Variants in SGCZ observed in about 807,000 individuals in gnomAD.
The protein encoded by SGCZ is zeta-sarcoglycan.
In SGCZ, 40 loss-of-function variants were observed where a neutral mutation model predicts 41.3. The observed-to-expected ratio is 0.97, with a 90% confidence interval of 0.75 to 1.26. The LOEUF is 1.26. Ranked by LOEUF, SGCZ falls within the 50% of genes most tolerant of loss-of-function variation. The pLI is 0.00. For synonymous variants in SGCZ, 206 were observed against 137.5 expected (o/e 1.50, Z -3.49); for missense variants, 552 against 369.8 (o/e 1.49, Z -4.04).
intron 1 of SGCZ, among the ~76,000 whole-genome samples, chr8:15,012,343 G>C (rs1013929928): frequency 1.3e-5 from 2 of 151,150 alleles, no homozygotes; most frequent in Non-Finnish European, 2.9e-5. Context: ...TATGCCTATA[G>C]TCCTAGTTAT....
intron 1 of SGCZ, among the ~76,000 whole-genome samples, chr8:14,976,940 A>G (rs1198901748): frequency 6.6e-6 from 1 of 152,180 alleles, no homozygotes; most frequent in Non-Finnish European, 1.5e-5. Flanking sequence ...GTTGAATTTA[A>G]ATTTCAAATG....
intron 2 of SGCZ, among the ~76,000 whole-genome samples, chr8:14,493,216 G>T (rs894892526): frequency 2.0e-5 from 3 of 151,822 alleles, no homozygotes; most frequent in Non-Finnish European, 2.9e-5. Flanking sequence ...TCTGTTCTTT[G>T]TATTTCTCCC....
intron 1 of SGCZ, among the ~76,000 whole-genome samples, chr8:14,766,676 C>T (rs532934599): frequency 9.2e-5 from 14 of 151,750 alleles, no homozygotes; most frequent in Admixed American, 2.6e-4. Flanking sequence ...ATTCTTTCAC[C>T]GCAGCCTCCC....
At chr8:14,410,057 G>C (rs572251549) in intron 2 of SGCZ, among the ~76,000 whole-genome samples, 1 of 152,102 alleles carries the variant, frequency 6.6e-6, no homozygotes, top group Non-Finnish European at 1.5e-5. Flanking sequence ...ATTACCGTCT[G>C]AGCTCCGCCT....
chr8:14,938,793 T>C (rs1423852726), intron 1 of SGCZ, among the ~76,000 whole-genome samples: 2 of 152,098 alleles, frequency 1.3e-5, no homozygotes, highest in African/African-American at 4.8e-5. Context: ...AAGTAGGAGA[T>C]AAGCTGTGGT....
chr8:14,780,081 T>C (rs1460873330), intron 1 of SGCZ, among the ~76,000 whole-genome samples: 9 of 151,690 alleles, frequency 5.9e-5, no homozygotes, highest in Admixed American at 5.9e-4. Flanking sequence ...AAAATGAACA[T>C]AGAAAAATAC....
intron 1 of SGCZ, among the ~76,000 whole-genome samples, chr8:14,681,278 G>A (rs1355759474): frequency 3.3e-5 from 5 of 152,098 alleles, no homozygotes; most frequent in Non-Finnish European, 5.9e-5. Context: ...AGGAATTACT[G>A]TAGATGTATA....
chr8:15,099,954 T>A (rs1265696614), intron 1 of SGCZ, among the ~76,000 whole-genome samples: 1 of 16,678 alleles, frequency 6.0e-5, no homozygotes, highest in African/African-American at 8.2e-5. Context: ...GGAACTTCCC[T>A]GACAAAAAAA....
chr8:14,752,536 T>G (rs561345434), intron 1 of SGCZ, among the ~76,000 whole-genome samples: 1 of 152,312 alleles, frequency 6.6e-6, no homozygotes, highest in African/African-American at 2.4e-5. Context: ...CTAGCCCAAT[T>G]GGTCTATAAG....
At chr8:14,419,876 T>G (rs1405276876) in intron 2 of SGCZ, among the ~76,000 whole-genome samples, 4 of 152,032 alleles carry the variant, frequency 2.6e-5, no homozygotes, top group African/African-American at 9.7e-5. Context: ...ATGCCGAAAT[T>G]ATTAGCGTTT....
At chr8:14,823,859 T>C (rs942176037) in intron 1 of SGCZ, among the ~76,000 whole-genome samples, 1 of 152,226 alleles carries the variant, frequency 6.6e-6, no homozygotes, top group South Asian at 2.1e-4. Context: ...GGGTAAAGAT[T>C]ATATGGAATA....
At chr8:15,164,074 T>A (rs1799586250) in intron 1 of SGCZ, among the ~76,000 whole-genome samples, 1 of 152,214 alleles carries the variant, frequency 6.6e-6, no homozygotes, top group Non-Finnish European at 1.5e-5. Context: ...CCCTTTTCTA[T>A]CTTTTCACCT....
chr8:14,299,811 C>T (rs1234458801), intron 3 of SGCZ, among the ~76,000 whole-genome samples: 1 of 151,710 alleles, frequency 6.6e-6, no homozygotes, highest in Non-Finnish European at 1.5e-5. Flanking sequence ...ATGTATTCAC[C>T]CAAGAGTAAT....
intron 1 of SGCZ, among the ~76,000 whole-genome samples, chr8:14,781,147 T>C (rs948665001): frequency 2.0e-5 from 3 of 152,306 alleles, no homozygotes; most frequent in African/African-American, 7.2e-5. Flanking sequence ...GCTTATTGAA[T>C]TTACTGCCTC....
At chr8:14,546,082 G>C (rs568591924) in intron 2 of SGCZ, among the ~76,000 whole-genome samples, 1 of 152,246 alleles carries the variant, frequency 6.6e-6, no homozygotes, top group East Asian at 1.9e-4. Context: ...AAAATCATGA[G>C]GAGCTGCATA....
intron 1 of SGCZ, among the ~76,000 whole-genome samples, chr8:14,687,107 G>A (rs1808634206): frequency 6.7e-6 from 1 of 149,038 alleles, no homozygotes; most frequent in Non-Finnish European, 1.5e-5. Context: ...GGCCATAAAT[G>A]TAATTATGAA....
intron 1 of SGCZ, among the ~76,000 whole-genome samples, chr8:14,873,900 T>A (rs1804254245): frequency 6.6e-6 from 1 of 152,180 alleles, no homozygotes; most frequent in African/African-American, 2.4e-5. Context: ...CTTAGGCTTC[T>A]TCTTGGAAGT....
intron 3 of SGCZ, among the ~76,000 whole-genome samples, chr8:14,316,812 GAC>G (rs55956388): frequency 0.42 from 59,458 of 142,054 alleles, 12,314 homozygotes; most frequent in Middle Eastern, 0.51. Context: ...ATTTATTATA[GAC>G]ACACACACAC....
intron 1 of SGCZ, among the ~76,000 whole-genome samples, chr8:14,837,754 G>C (rs192443360): frequency 4.0e-5 from 6 of 151,822 alleles, no homozygotes; most frequent in African/African-American, 1.5e-4. Flanking sequence ...GTGAAGAATC[G>C]TACTTAGATT....
Sources: allele counts gnomAD v4.1 joint callset (sites outside exome capture counted in the v4.1 genomes callset), GRCh38; gene constraint gnomAD v4.1.1; transcripts MANE v1.5; gene names NCBI Gene and HGNC (gene_info 2026-07-23, HGNC 2026-07-21).